CD96: variants seen among roughly 807,000 people sequenced by gnomAD.
CD96 encodes CD96 molecule, also known as T-cell surface protein tactile.
In CD96, 70 loss-of-function variants were observed where a neutral mutation model predicts 71.3. That is an observed-to-expected ratio of 0.98 (90% CI 0.81 to 1.20). CD96 has a LOEUF of 1.20. CD96 is among the 50% of genes most tolerant of loss of function. The probability of loss-of-function intolerance (pLI) is 0.00; values close to 1 mark genes in which losing one functional copy is unlikely to be tolerated. For missense variants in CD96, 742 were observed against 677.5 expected, an observed-to-expected ratio of 1.10 and a Z score of -1.06; for synonymous variants, 248 against 233.0, an observed-to-expected ratio of 1.06 and a Z score of -0.59.
intron 7 of CD96, among the ~76,000 whole-genome samples, chr3:111,606,204 A>G (rs186587088): frequency 5.5e-4 from 84 of 152,328 alleles, no homozygotes; most frequent in Middle Eastern, 3.4e-3. Context: ...AAGCAGAAAA[A>G]CATCACACAT....
At chr3:111,652,693 T>A (rs1940133711), downstream of CD96, among the ~76,000 whole-genome samples, 1 of 152,184 alleles carries the variant, frequency 6.6e-6, no homozygotes. Flanking sequence ...TGGAGGGATC[T>A]TCAGTGAGTA....
intron 2 of CD96, among the ~76,000 whole-genome samples, chr3:111,563,134 C>T (rs1384398827): frequency 1.3e-5 from 2 of 152,248 alleles, no homozygotes; most frequent in African/African-American, 4.8e-5. Context: ...TAATGCCACT[C>T]ATGAAAGCTC....
chr3:111,636,590 C>G (rs1043884195), intron 10 of CD96, among the ~76,000 whole-genome samples: 1 of 152,130 alleles, frequency 6.6e-6, no homozygotes, highest in Non-Finnish European at 1.5e-5. Flanking sequence ...ATTTCAAAAG[C>G]CATATGTGCT....
chr3:111,637,945 T>G (rs1403602582), intron 11 of CD96, 134 bp from the exon 12 acceptor site: 1 of 715,188 alleles, frequency 1.4e-6, no homozygotes, highest in Non-Finnish European at 2.6e-6. Flanking sequence ...TAATAAACTT[T>G]ACACATAATA....
chr3:111,641,330 A>C (rs1426634771), intron 12 of CD96, among the ~76,000 whole-genome samples: 1 of 152,272 alleles, frequency 6.6e-6, no homozygotes, highest in Non-Finnish European at 1.5e-5. Context: ...GGACACCAAA[A>C]GCGAGCAGGG....
chr3:111,593,147 A>G (rs554321704), intron 5 of CD96: 57 of 164,022 alleles, frequency 3.5e-4, no homozygotes, highest in South Asian at 1.2e-3. Flanking sequence ...AGCTGGTCAC[A>G]TAGGCACATT....
Position 111,650,565 on chromosome 3 carries a change from T to C in CD96, c.*759T>C, listed in dbSNP as rs1387955537. 2 of 152,300 alleles carry C rather than the reference T, an allele frequency of 1.3e-5. No homozygotes were observed. Among genetic ancestry groups the C allele is most frequent in the African/African-American group, 4.8e-5 (2 of 41,460 alleles). The allele number at this position is 152,300 out of a possible 1,614,324, so 9.4% of individuals were successfully genotyped here. ...GCCTTCGTGTGTATGTCCATCAAAC[T>C]GGAACCAAACTGTTTTGTAAGTAAA... On this transcript the variant is annotated 3_prime_UTR_variant, in exon 14 of 14. Transcript: ENST00000352690.
chr3:111,566,541 T>C (rs1189547320), intron 2 of CD96, among the ~76,000 whole-genome samples: 1 of 152,166 alleles, frequency 6.6e-6, no homozygotes, highest in Non-Finnish European at 1.5e-5. Flanking sequence ...TGAGAATACA[T>C]GCATGTATGC....
intron 14 of CD96, among the ~76,000 whole-genome samples, chr3:111,658,840 T>G (rs1002772382): frequency 6.6e-6 from 1 of 152,238 alleles, no homozygotes. Flanking sequence ...GATATTGGCC[T>G]GAAGTTCTCT....
intron 12 of CD96, among the ~76,000 whole-genome samples, chr3:111,643,070 T>TA (rs201908883): frequency 0.085 from 8,005 of 94,262 alleles, 289 homozygotes; most frequent in Middle Eastern, 0.15. Flanking sequence ...CCAAAATCCT[T>TA]AAAAAAAAAA....
At chr3:111,571,893 T>C (rs912770068) in intron 3 of CD96, among the ~76,000 whole-genome samples, 4 of 152,124 alleles carry the variant, frequency 2.6e-5, no homozygotes, top group African/African-American at 9.7e-5. Context: ...AGAACAAACT[T>C]CCTAAATAAG....
At chr3:111,583,089 A>G (rs1357528274) in intron 4 of CD96, among the ~76,000 whole-genome samples, 1 of 152,248 alleles carries the variant, frequency 6.6e-6, no homozygotes, top group Non-Finnish European at 1.5e-5. Flanking sequence ...TTCTAGATAT[A>G]ATGGGGGTAT....
intron 14 of CD96, among the ~76,000 whole-genome samples, chr3:111,660,066 A>C (rs1026340465): frequency 3.3e-5 from 5 of 152,220 alleles, no homozygotes; most frequent in Non-Finnish European, 7.3e-5. Flanking sequence ...CCATCCCAAT[A>C]GTGAAAGAAG....
chr3:111,601,854 TG>T (rs1444757428), intron 7 of CD96, among the ~76,000 whole-genome samples: 2 of 152,104 alleles, frequency 1.3e-5, no homozygotes, highest in East Asian at 1.9e-4. Flanking sequence ...ACAGGTGCAG[TG>T]GTTGGTTATG....
chr3:111,566,100 T>G (rs947126756), intron 2 of CD96, among the ~76,000 whole-genome samples: 30 of 150,570 alleles, frequency 2.0e-4, no homozygotes, highest in African/African-American at 7.3e-4. Flanking sequence ...TCAGAAAGAC[T>G]ATAAAACTTC....
chr3:111,661,220 CA>C (rs1368657426), intron 14 of CD96, among the ~76,000 whole-genome samples: 5 of 152,176 alleles, frequency 3.3e-5, no homozygotes, highest in Non-Finnish European at 7.4e-5. Flanking sequence ...GTCCTGGGAA[CA>C]GGAAGGGGGA....
chr3:111,649,946 T>C lies in CD96; in HGVS notation c.*140T>C. 4.3e-6 allele frequency: 3 copies of C among 697,380 alleles called. No homozygotes were observed. Among genetic ancestry groups the C allele is most frequent in the South Asian group, 1.5e-5 (1 of 66,934 alleles). The allele number at this position is 697,380 out of a possible 1,614,324, so 43.2% of individuals were successfully genotyped here. ...GAAGTCAGAAGTGAGTGACCTGTTT[T>C]CCCAGCAACTCACCCTCTTCCATCT... On this transcript the variant is annotated 3_prime_UTR_variant, in exon 14 of 14. Transcript: ENST00000352690.
At chr3:111,641,571 A>C (rs1939592668) in intron 12 of CD96, among the ~76,000 whole-genome samples, 1 of 152,266 alleles carries the variant, frequency 6.6e-6, no homozygotes, top group African/African-American at 2.4e-5. Flanking sequence ...TACTCCACTG[A>C]CAACACTAGA....
chr3:111,652,615 G>A (rs373569434), downstream of CD96, among the ~76,000 whole-genome samples: 15 of 151,996 alleles, frequency 9.9e-5, no homozygotes, highest in South Asian at 6.2e-4. Flanking sequence ...TTTTAGTATC[G>A]TAATTAAGTT....
Sources: allele counts gnomAD v4.1 joint callset (sites outside exome capture counted in the v4.1 genomes callset), GRCh38; gene constraint gnomAD v4.1.1; transcripts MANE v1.5; gene names NCBI Gene and HGNC (gene_info 2026-07-23, HGNC 2026-07-21).